Variants in SLC36A2 observed in about 807,000 individuals in gnomAD.
SLC36A2 encodes proton-coupled amino acid transporter 2.
In SLC36A2, 39 loss-of-function variants were observed where a neutral mutation model predicts 42.7. That is an observed-to-expected ratio of 0.91 (90% confidence interval 0.71 to 1.19). SLC36A2 has a LOEUF of 1.19. Among genes scored for constraint, SLC36A2 ranks in the 50% most tolerant of loss-of-function variants. SLC36A2 has a pLI of 0.00. For synonymous variants in SLC36A2, 237 were observed against 240.8 expected (o/e 0.98, Z 0.15); for missense variants, 590 against 613.7 (o/e 0.96, Z 0.41).
intron 4 of SLC36A2, among the ~76,000 whole-genome samples, chr5:151,340,533 A>G (rs1250708667): frequency 3.3e-5 from 5 of 152,232 alleles, no homozygotes; most frequent in Non-Finnish European, 1.5e-5. Flanking sequence ...CCTGGAGAAC[A>G]TCAACATTTA....
intron 3 of SLC36A2, 118 bp from the exon 4 acceptor site, chr5:151,343,101 G>C (rs1756393789): frequency 1.2e-6 from 1 of 821,804 alleles, no homozygotes; most frequent in African/African-American, 1.7e-5. Flanking sequence ...AAGAACACAG[G>C]GGCAGAGACC....
At chr5:151,335,847 C>T (rs959837380) in intron 5 of SLC36A2, among the ~76,000 whole-genome samples, 5 of 151,972 alleles carry the variant, frequency 3.3e-5, no homozygotes, top group South Asian at 2.1e-4. Context: ...TGGCCAACAT[C>T]GTGAAACCCC....
intron 9 of SLC36A2, among the ~76,000 whole-genome samples, chr5:151,320,105 T>C (rs1755640118): frequency 6.8e-6 from 1 of 147,712 alleles, no homozygotes; most frequent in Admixed American, 7.0e-5. Flanking sequence ...AAAAAAAAGT[T>C]CTTTGAAGAA....
chr5:151,324,348 T>TA (rs1755792352), intron 8 of SLC36A2, among the ~76,000 whole-genome samples: 1 of 151,086 alleles, frequency 6.6e-6, no homozygotes, highest in African/African-American at 2.4e-5. Flanking sequence ...TTTATTTATT[T>TA]TGAGATGGAG....
At position 151,316,822 on chromosome 5, in the gene SLC36A2, G is replaced by A. The variant is rs952943212; in HGVS notation, c.1447C>T (p.Arg483Trp). 10 of 1,593,330 alleles carry A rather than the reference G, an allele frequency of 6.3e-6. No individual in the cohort carries two copies. The highest frequency in any genetic ancestry group is 2.2e-5 in the South Asian group (2 of 90,678). Reference sequence around the variant, plus strand: ...GGCAAGGAGCAGTGCCAGGCTCACCGAACAAAAGTGGTGGAGTTGGAAAAG... The same window carrying A: ...GGCAAGGAGCAGTGCCAGGCTCACCAAACAAAAGTGGTGGAGTTGGAAAAG... ...HPFSNSTTFV[R>W] The change falls in exon 10 of 10, where the codon CGG becomes TGG. Residue 483 changes from arginine (R) to tryptophan (W), a missense_variant. By Grantham distance (101) the Arg-to-Trp change is moderately radical. Coordinates refer to ENST00000335244, the MANE Select transcript of SLC36A2 (RefSeq NM_181776.3).
chr5:151,330,587 A>C lies in SLC36A2; in HGVS notation c.843+2637T>G, dbSNP rs146380110. On this transcript the variant is annotated intron_variant, in intron 7 of 9. Coordinates refer to ENST00000335244, the MANE Select transcript of SLC36A2 (RefSeq NM_181776.3). The stretch of plus-strand genomic sequence containing the variant: ...CTGAAGGGAAATGATGCCAGAAGGA[A>C]ATGGGATTTCAAGAATAAAGAAAGA... Among the ~76,000 whole-genome samples the C allele has an allele frequency of 7.6e-3, 1,162 of 152,356 alleles. 10 individuals carry two copies. Among genetic ancestry groups the C allele is most frequent in the Non-Finnish European group, 0.013 (857 of 68,022 alleles).
chr5:151,333,340 G>T lies in SLC36A2; in HGVS notation c.745-18C>A. ...GGGATTTCCTAAAGAAGAAAGAAATGCTATGAGACAGTCACTCTTAAAGCA... is the reference window on the plus strand; with the variant it reads ...GGGATTTCCTAAAGAAGAAAGAAATTCTATGAGACAGTCACTCTTAAAGCA... On this transcript the variant is annotated intron_variant, in intron 6 of 9. Coordinates refer to ENST00000335244, the MANE Select transcript of SLC36A2 (RefSeq NM_181776.3). The T allele has an allele frequency of 6.2e-7, 1 of 1,601,968 alleles. No homozygotes were observed. The highest frequency in any genetic ancestry group is 8.6e-7 in the Non-Finnish European group (1 of 1,169,014).
intron 1 of SLC36A2, among the ~76,000 whole-genome samples, chr5:151,345,835 A>AC (rs2127302794): frequency 6.6e-6 from 1 of 152,292 alleles, no homozygotes; most frequent in South Asian, 2.1e-4. Context: ...CTTTTTGGTC[A>AC]CCTTGGACTG....
Position 151,347,513 on chromosome 5 carries a change from G to A in SLC36A2, c.-53C>T. Reference sequence around the variant, plus strand: ...GTGACAAAGAGGTCTGCTCTGGAAGGAGGGAAGCAGGAAGGTGTCTAGTGT... The same window carrying A: ...GTGACAAAGAGGTCTGCTCTGGAAGAAGGGAAGCAGGAAGGTGTCTAGTGT... On this transcript the variant is annotated 5_prime_UTR_variant, in exon 1 of 10. Coordinates refer to ENST00000335244, the MANE Select transcript of SLC36A2 (RefSeq NM_181776.3). 1.9e-6 allele frequency: 3 copies of A among 1,604,684 alleles called. No homozygotes were observed. Among genetic ancestry groups the A allele is most frequent in the Admixed American group, 1.7e-5 (1 of 60,000 alleles).
intron 7 of SLC36A2, among the ~76,000 whole-genome samples, chr5:151,327,070 C>T (rs1755874693): frequency 6.6e-6 from 1 of 152,180 alleles, no homozygotes; most frequent in Non-Finnish European, 1.5e-5. Context: ...CCACATCGGC[C>T]TCCCAAAGTG....
chr5:151,346,619 C>A (rs1310705906), intron 1 of SLC36A2, among the ~76,000 whole-genome samples: 1 of 152,178 alleles, frequency 6.6e-6, no homozygotes, highest in Non-Finnish European at 1.5e-5. Flanking sequence ...ACACCCCACA[C>A]CTTTTGTTCC....
intron 9 of SLC36A2, among the ~76,000 whole-genome samples, chr5:151,321,275 C>T (rs530911289): frequency 1.3e-5 from 2 of 151,458 alleles, no homozygotes; most frequent in East Asian, 3.9e-4. Context: ...AGCAATCTTC[C>T]CACCCTAGCC....
chr5:151,325,261 A>G (rs750107966), intron 8 of SLC36A2, 25 bp downstream of exon 8: 1 of 1,610,694 alleles, frequency 6.2e-7, no homozygotes, highest in East Asian at 2.2e-5. Flanking sequence ...CTGAGTCCCC[A>G]CCACCTGACA....
chr5:151,336,607 T>C (rs548098745), intron 5 of SLC36A2, among the ~76,000 whole-genome samples: 235 of 152,184 alleles, frequency 1.5e-3, no homozygotes, highest in Non-Finnish European at 2.8e-3. Context: ...GGACCATTCA[T>C]TGCAGAACAT....
At chr5:151,328,281 A>G (rs1157382540) in intron 7 of SLC36A2, among the ~76,000 whole-genome samples, 1 of 152,266 alleles carries the variant, frequency 6.6e-6, no homozygotes, top group Admixed American at 6.5e-5. Flanking sequence ...AATTATGCAC[A>G]GGTCCTGAAG....
rs1755820455 is a variant in SLC36A2 at position 151,325,275 on chromosome 5, C to T, written c.1010+11G>A. ...CCTGAGTCCCCACCACCTGACAGCC[C>T]ATGAAGATACCAGCAGTTAGGCAGG... is the stretch of plus-strand genomic sequence containing the variant. On this transcript the variant is annotated intron_variant, in intron 8 of 9. Transcript: ENST00000335244. The T allele has an allele frequency of 6.2e-7, 1 of 1,612,280 alleles. No homozygotes were observed. The highest frequency in any genetic ancestry group is 1.3e-5 in the African/African-American group (1 of 75,014).
chr5:151,345,677 G>A (rs1029691771), intron 1 of SLC36A2, among the ~76,000 whole-genome samples: 2 of 152,168 alleles, frequency 1.3e-5, no homozygotes, highest in South Asian at 2.1e-4. Context: ...AAGGGTCAGC[G>A]GGTTACTTTG....
intron 6 of SLC36A2, 144 bp downstream of exon 6, chr5:151,335,185 T>C: frequency 3.0e-6 from 2 of 664,286 alleles, no homozygotes; most frequent in South Asian, 3.3e-5. Context: ...GACATCCTTG[T>C]AGAAGAAATG....
At chr5:151,317,455 A>T (rs74948565) in intron 9 of SLC36A2, among the ~76,000 whole-genome samples, 7 of 109,636 alleles carry the variant, frequency 6.4e-5, no homozygotes, top group African/African-American at 3.9e-4. Flanking sequence ...CTATCTCATT[A>T]AAAAAAAAAA....
Sources: allele counts gnomAD v4.1 joint callset (sites outside exome capture counted in the v4.1 genomes callset), GRCh38; gene constraint gnomAD v4.1.1; transcripts MANE v1.5; gene names NCBI Gene and HGNC (gene_info 2026-07-23, HGNC 2026-07-21).